The following PIK3C2G variants were observed in gnomAD, a reference collection of about 807,000 sequenced individuals.
PIK3C2G encodes the protein phosphatidylinositol 3-kinase C2 domain-containing subunit gamma.
In PIK3C2G, 168 loss-of-function variants were observed where a neutral mutation model predicts 181.1. The ratio of observed to expected loss-of-function variants is 0.93; its 90% CI spans 0.82 to 1.05. PIK3C2G has a LOEUF of 1.05. Ranked by LOEUF, PIK3C2G falls within the 50% of genes least tolerant of loss-of-function variation. The pLI, the probability that PIK3C2G is intolerant of heterozygous loss-of-function variation, is 0.00. For synonymous variants in PIK3C2G, 573 were observed against 592.2 expected, an observed-to-expected ratio of 0.97 and a Z score of 0.47; for missense variants, 1,869 against 1,732.8, an observed-to-expected ratio of 1.08 and a Z score of -1.40.
intron 30 of PIK3C2G, chr12:18,607,191 A>C (rs1475165279): frequency 1.9e-6 from 1 of 515,884 alleles, no homozygotes; most frequent in Non-Finnish European, 3.9e-6. Flanking sequence ...GTAGAAGTTC[A>C]ATAGACAAAA....
chr12:18,610,560 T>C (rs1175725314), intron 31 of PIK3C2G, among the ~76,000 whole-genome samples: 1 of 152,160 alleles, frequency 6.6e-6, no homozygotes, highest in African/African-American at 2.4e-5. Context: ...TGGTGCTCAC[T>C]ATCAGCAATT....
Position 18,469,458 on chromosome 12 carries a change from T to C in PIK3C2G, c.2505-18991T>C, listed in dbSNP as rs1420871514. Among the ~76,000 whole-genome samples, 3 of 152,136 alleles carry C rather than the reference T, an allele frequency of 2.0e-5. No homozygotes were observed. The East Asian group carries it at 5.8e-4, about 29-fold the overall frequency. Reference sequence around the variant, plus strand: ...GGCAGTAAAATTGCTTATTTAAAACTATGACCTTTTCAAAGACATGCTGAA... The same window carrying C: ...GGCAGTAAAATTGCTTATTTAAAACCATGACCTTTTCAAAGACATGCTGAA... On this transcript the variant is annotated intron_variant, in intron 18 of 32. Coordinates refer to ENST00000538779, the MANE Select transcript of PIK3C2G (RefSeq NM_001288772.2).
At chr12:18,258,394 C>G (rs2136981823), upstream of PIK3C2G, among the ~76,000 whole-genome samples, 1 of 152,120 alleles carries the variant, frequency 6.6e-6, no homozygotes, top group Non-Finnish European at 1.5e-5. Context: ...CTTAGTTCTC[C>G]TGTCTACCTG....
At chr12:18,582,372 G>A (rs1946543764) in intron 29 of PIK3C2G, among the ~76,000 whole-genome samples, 1 of 152,086 alleles carries the variant, frequency 6.6e-6, no homozygotes, top group African/African-American at 2.4e-5. Context: ...ATGGATCTTT[G>A]CAACCCTTGG....
chr12:18,665,181 T>TAA, the PIK3C2G span, among the ~76,000 whole-genome samples: 1 of 151,170 alleles, frequency 6.6e-6, no homozygotes, highest in South Asian at 2.1e-4. Context: ...AAAAAAAAAT[T>TAA]AAAAAAAATA....
chr12:18,655,681 G>A, the PIK3C2G span, among the ~76,000 whole-genome samples: 1 of 151,576 alleles, frequency 6.6e-6, no homozygotes, highest in African/African-American at 2.4e-5. Flanking sequence ...CCCTTGACAA[G>A]ATGTGATGAA....
chr12:18,682,676 C>T, the PIK3C2G span, among the ~76,000 whole-genome samples: 1 of 151,926 alleles, frequency 6.6e-6, no homozygotes, highest in Non-Finnish European at 1.5e-5. Context: ...AGTTTGCAGG[C>T]AAATCAATTT....
intron 4 of PIK3C2G, among the ~76,000 whole-genome samples, chr12:18,292,859 G>C (rs1490732157): frequency 6.6e-6 from 1 of 152,146 alleles, no homozygotes; most frequent in Non-Finnish European, 1.5e-5. Flanking sequence ...TTAGAGTCTA[G>C]AGAACAACCA....
chr12:18,279,547 T>C lies in PIK3C2G; in HGVS notation c.-78-2457T>C, dbSNP rs185455871. ...CACTTTAATGTAGCTACATTTGCCA[T>C]AATAAACTACAAGGAGCAAGTCAAG... is the stretch of plus-strand genomic sequence containing the variant. On this transcript the variant is annotated intron_variant, in intron 1 of 32. Coordinates refer to ENST00000538779, the MANE Select transcript of PIK3C2G (RefSeq NM_001288772.2). Among the ~76,000 whole-genome samples, 103 of 152,120 alleles carry C rather than the reference T, an allele frequency of 6.8e-4. 1 individual carries two copies. Among genetic ancestry groups the C allele is most frequent in the African/African-American group, 2.5e-3 (102 of 41,560 alleles).
chr12:18,436,033 C>T (rs577093054), intron 18 of PIK3C2G, among the ~76,000 whole-genome samples: 1 of 151,642 alleles, frequency 6.6e-6, no homozygotes, highest in African/African-American at 2.4e-5. Flanking sequence ...TTTTATCTCA[C>T]ATAACAAGAA....
intron 1 of PIK3C2G, among the ~76,000 whole-genome samples, chr12:18,277,278 T>C (rs1949023087): frequency 1.3e-5 from 2 of 152,136 alleles, no homozygotes; most frequent in Non-Finnish European, 2.9e-5. Flanking sequence ...GTCTATGTAA[T>C]ACATACACTT....
intron 31 of PIK3C2G, among the ~76,000 whole-genome samples, chr12:18,626,536 G>A (rs1022601705): frequency 6.6e-6 from 1 of 151,804 alleles, no homozygotes; most frequent in East Asian, 1.9e-4. Context: ...CATGTTATTA[G>A]CTAACAAATT....
the PIK3C2G span, among the ~76,000 whole-genome samples, chr12:18,720,216 C>A: frequency 6.6e-6 from 1 of 151,952 alleles, no homozygotes; most frequent in South Asian, 2.1e-4. Context: ...CATTACTTTA[C>A]AGTATTCCAT....
intron 11 of PIK3C2G, among the ~76,000 whole-genome samples, chr12:18,351,943 T>C (rs1940256931): frequency 6.6e-6 from 1 of 152,212 alleles, no homozygotes; most frequent in South Asian, 2.1e-4. Context: ...AGATGTGTAG[T>C]GGGCTTTGCC....
At chr12:18,250,992 G>A (rs60443498) in intron 1 of PIK3C2G, among the ~76,000 whole-genome samples, 5 of 151,770 alleles carry the variant, frequency 3.3e-5, no homozygotes, top group African/African-American at 1.2e-4. Flanking sequence ...TAAAACCTGA[G>A]GATTTAATAA....
intron 8 of PIK3C2G, among the ~76,000 whole-genome samples, chr12:18,331,611 TTA>T (rs765613736): frequency 2.0e-5 from 3 of 152,034 alleles, no homozygotes; most frequent in East Asian, 1.9e-4. Context: ...TGAAATAATT[TTA>T]TGTTTTCCTC....
chr12:18,587,713 A>G (rs547740112), intron 29 of PIK3C2G, among the ~76,000 whole-genome samples: 9 of 152,158 alleles, frequency 5.9e-5, no homozygotes, highest in Admixed American at 5.2e-4. Flanking sequence ...TTTAAAATTC[A>G]TATGAAACCA....
chr12:18,551,822 C>T (rs1944745128), intron 26 of PIK3C2G, among the ~76,000 whole-genome samples: 1 of 152,116 alleles, frequency 6.6e-6, no homozygotes, highest in Non-Finnish European at 1.5e-5. Flanking sequence ...ACTCTGTTTA[C>T]CTCTGCTTAG....
intron 24 of PIK3C2G, among the ~76,000 whole-genome samples, chr12:18,531,610 T>A (rs1338956915): frequency 1.3e-5 from 2 of 152,352 alleles, no homozygotes; most frequent in East Asian, 1.9e-4. Flanking sequence ...ATTTCAAGTA[T>A]GTTATATAAA....
Sources: allele counts gnomAD v4.1 joint callset (sites outside exome capture counted in the v4.1 genomes callset), GRCh38; gene constraint gnomAD v4.1.1; transcripts MANE v1.5; gene names NCBI Gene and HGNC (gene_info 2026-07-23, HGNC 2026-07-21).